DHTKD1: variants seen among roughly 807,000 people sequenced by gnomAD.
The protein encoded by DHTKD1 is dehydrogenase E1 and transketolase domain containing 1.
DHTKD1 carries 78 observed loss-of-function variants against 101.8 expected under a neutral mutation model. The observed-to-expected ratio is 0.77, with a 90% CI of 0.64 to 0.93. DHTKD1 has a LOEUF of 0.93. DHTKD1 is among the 40% of genes least tolerant of loss of function. The pLI, the probability that DHTKD1 is intolerant of heterozygous loss-of-function variation, is 0.00. For missense variants in DHTKD1, 1,223 were observed against 1,161.7 expected (o/e 1.05, Z -0.77); for synonymous variants, 462 against 450.3 (o/e 1.03, Z -0.33).
At chr10:12,090,478 T>TCCTTC (rs926722179) in intron 5 of DHTKD1, among the ~76,000 whole-genome samples, 4 of 145,900 alleles carry the variant, frequency 2.7e-5, no homozygotes, top group African/African-American at 7.7e-5. Flanking sequence ...CTTCCTTCCT[T>TCCTTC]CTTCTTTCTC....
intron 13 of DHTKD1, among the ~76,000 whole-genome samples, 191 bp downstream of exon 13, chr10:12,113,255 T>C (rs1216189729): frequency 1.3e-5 from 2 of 152,228 alleles, no homozygotes; most frequent in Non-Finnish European, 2.9e-5. Flanking sequence ...TGGAGTGCAA[T>C]GGTGCAATCT....
rs780469695 is a variant in DHTKD1 at position 12,113,092 on chromosome 10, C to T, written c.2319+28C>T. ...AAGCAGAAGGTGGTGAATAAGCCTT[C>T]CTCCTTTTGTCATTTTTTGCACTCC... On this transcript the variant is annotated intron_variant, in intron 13 of 16. Coordinates refer to ENST00000263035, the MANE Select transcript of DHTKD1 (RefSeq NM_018706.7). 93 of 1,546,762 alleles carry T rather than the reference C, an allele frequency of 6.0e-5. No individual in the cohort carries two copies. In the Middle Eastern group the frequency reaches 6.9e-4, roughly 11 times the overall value.
At chr10:12,117,508 T>C (rs1833438575) in intron 13 of DHTKD1, among the ~76,000 whole-genome samples, 165 bp from the exon 14 acceptor site, 1 of 152,088 alleles carries the variant, frequency 6.6e-6, no homozygotes, top group South Asian at 2.1e-4. Context: ...CCCTGAAGTA[T>C]ACAGAACTGA....
intron 6 of DHTKD1, among the ~76,000 whole-genome samples, chr10:12,091,946 A>G (rs1051684976): frequency 6.7e-6 from 1 of 149,300 alleles, no homozygotes; most frequent in African/African-American, 2.5e-5. Context: ...CTGGGACCAC[A>G]TGCGTGCACC....
chr10:12,087,612 C>T lies in DHTKD1; in HGVS notation c.600C>T (p.Gly200=), dbSNP rs752556444. The T allele has an allele frequency of 9.3e-6, 15 of 1,613,794 alleles. No individual in the cohort carries two copies. The East Asian group carries it at 2.2e-4, about 24-fold the overall frequency. Residue 200 remains glycine, a synonymous_variant, in exon 4 of 17, where the codon GGC becomes GGT. Transcript: ENST00000263035. This position sits in a 1 kb window ranked among gnomAD's most constrained non-coding sequence, Gnocchi z 5.2. ...YGGEGAESMM[G]FFHELLKMSA... ...GCGAAGGGGCTGAAAGCATGATGGG[C>T]TTTTTCCACGAGCTGCTGAAAATGT... is the stretch of plus-strand genomic sequence containing the variant.
Position 12,103,491 on chromosome 10 carries a change from CTGTGTGTGTGTGTGTGTG to C in DHTKD1, c.1896+2330_1896+2347del, listed in dbSNP as rs55809304. ...CCCCAACTTCGTTGTACATCTCAAT[CTGTGTGTGTGTGTGTGTG>C]TGTGTGTGTGTGTGTGTGTATGTAT... On this transcript the variant is annotated intron_variant, in intron 10 of 16. Coordinates refer to ENST00000263035, the MANE Select transcript of DHTKD1 (RefSeq NM_018706.7). The surrounding 1 kb of genome is among the most constrained non-coding windows in gnomAD (Gnocchi z 4.8). Among the ~76,000 whole-genome samples, 1 of 144,888 alleles carries C rather than the reference CTGTGTGTGTGTGTGTGTG, an allele frequency of 6.9e-6. No homozygotes were observed. The highest frequency in any genetic ancestry group is 2.2e-4 in the South Asian group (1 of 4,482).
At chr10:12,096,777 C>T (rs970001295) in intron 7 of DHTKD1, among the ~76,000 whole-genome samples, 9 of 152,164 alleles carry the variant, frequency 5.9e-5, no homozygotes, top group Admixed American at 4.6e-4. Flanking sequence ...TTTATTGTAA[C>T]ACCCAGGTGT....
At chr10:12,085,978 G>T (rs1054892672) in intron 3 of DHTKD1, among the ~76,000 whole-genome samples, 1 of 151,900 alleles carries the variant, frequency 6.6e-6, no homozygotes, top group African/African-American at 2.4e-5. Flanking sequence ...TTGAGATGGA[G>T]TCTTGCCCTG....
chr10:12,120,255 G>A lies in DHTKD1; in HGVS notation c.2646G>A (p.Gln882=), dbSNP rs532839473. 6.2e-7 allele frequency: 1 copy of A among 1,613,536 alleles called. No homozygotes were observed. Among genetic ancestry groups the A allele is most frequent in the African/African-American group, 1.3e-5 (1 of 75,008 alleles). Residue 882 remains glutamine, a synonymous_variant, in exon 16 of 17, where the codon CAG becomes CAA. Transcript: ENST00000263035. ...WSFVSPRFEK[Q]LACKLRLVGR... ...TTGTTTCTCCAAGGTTTGAAAAGCA[G>A]CTGGCCTGCAAGGTAATCACACGTT...
At chr10:12,071,354 G>C (rs1451934704) in intron 1 of DHTKD1, among the ~76,000 whole-genome samples, 2 of 152,214 alleles carry the variant, frequency 1.3e-5, no homozygotes, top group South Asian at 2.1e-4. Flanking sequence ...AGAGGGTTCA[G>C]AATGGAAGTT....
At chr10:12,072,809 T>C (rs1393314916) in intron 1 of DHTKD1, among the ~76,000 whole-genome samples, 1 of 151,768 alleles carries the variant, frequency 6.6e-6, no homozygotes, top group Non-Finnish European at 1.5e-5. Flanking sequence ...CGATCTCAGC[T>C]CACCACAACC....
At chr10:12,093,302 C>T (rs1659641386) in intron 6 of DHTKD1, among the ~76,000 whole-genome samples, 1 of 152,148 alleles carries the variant, frequency 6.6e-6, no homozygotes, top group South Asian at 2.1e-4. Flanking sequence ...CCTCAGCCTC[C>T]CAGAGTGCTG....
intron 13 of DHTKD1, among the ~76,000 whole-genome samples, chr10:12,114,891 G>GT (rs1275405183): frequency 6.6e-6 from 1 of 151,998 alleles, no homozygotes; most frequent in Non-Finnish European, 1.5e-5. Flanking sequence ...CGCCTCCCGG[G>GT]TTCAGGCCAT....
At chr10:12,118,675 C>T in intron 14 of DHTKD1, 74 bp from the exon 15 acceptor site, 6 of 1,311,540 alleles carry the variant, frequency 4.6e-6, no homozygotes, top group East Asian at 2.7e-5. Flanking sequence ...AGCTACTGCA[C>T]CTGGCCTCTT....
At position 12,090,389 on chromosome 10, in the gene DHTKD1, T is replaced by TTTCCTTCCTTCCTTCCTTCCTTCC. The variant is rs1244186979; in HGVS notation, c.988-1106_988-1105insCCTTCCTTCCTTCCTTCCTTCCTT. 3.5e-4 allele frequency among the ~76,000 whole-genome samples: 37 copies of TTTCCTTCCTTCCTTCCTTCCTTCC among 105,808 alleles called. 1 individual carries two copies. Among genetic ancestry groups the TTTCCTTCCTTCCTTCCTTCCTTCC allele is most frequent in the African/African-American group, 1.2e-3 (34 of 28,532 alleles). 69.4% of individuals were successfully genotyped at this position (105,808 alleles called of 152,430 possible). A position where few individuals can be genotyped will look rare whatever the true frequency, so the allele number is the denominator to read the frequency against. The stretch of plus-strand genomic sequence containing the variant: ...CCTCCCTTCCTTCCTTCCTTCCTTT[T>TTTCCTTCCTTCCTTCCTTCCTTCC]TTCCTTCCTTCCTTCCTTTTTTCCT... On this transcript the variant is annotated intron_variant, in intron 5 of 16. Coordinates refer to ENST00000263035, the MANE Select transcript of DHTKD1 (RefSeq NM_018706.7).
chr10:12,083,998 C>T (rs1470838148), intron 2 of DHTKD1, among the ~76,000 whole-genome samples: 2 of 151,630 alleles, frequency 1.3e-5, no homozygotes, highest in Non-Finnish European at 2.9e-5. Context: ...TCTCGGCTCA[C>T]TGCAACCTCT....
At chr10:12,081,446 C>T (rs758018684) in intron 1 of DHTKD1, 26 bp from the exon 2 acceptor site, 1 of 1,609,312 alleles carries the variant, frequency 6.2e-7, no homozygotes, top group Non-Finnish European at 8.5e-7. Flanking sequence ...AAACTGTTTG[C>T]ATTTTTAAAT....
chr10:12,081,523 A>G lies in DHTKD1; in HGVS notation c.206A>G (p.Lys69Arg). The change falls in exon 2 of 17, where the codon AAA becomes AGA. Residue 69 changes from lysine to arginine, a missense_variant. Transcript: ENST00000263035. ...ACAGTATATTGTGAGCATGGTCATA[A>G]AGCTGCCAAAATCAACCCCCTCTTC... Reference protein sequence around the residue: ...LVTVYCEHGHKAAKINPLFTG... With the variant: ...LVTVYCEHGHRAAKINPLFTG... The G allele has an allele frequency of 6.2e-7, 1 of 1,614,106 alleles. No individual in the cohort carries two copies. Among genetic ancestry groups the G allele is most frequent in the Non-Finnish European group, 8.5e-7 (1 of 1,180,014 alleles).
chr10:12,094,311 T>C, intron 7 of DHTKD1, 40 bp downstream of exon 7: 1 of 1,537,778 alleles, frequency 6.5e-7, no homozygotes, highest in Non-Finnish European at 9.0e-7. Flanking sequence ...CCCCTAAAAA[T>C]TAAAATTACT....
Sources: allele counts gnomAD v4.1 joint callset (sites outside exome capture counted in the v4.1 genomes callset), GRCh38; gene constraint gnomAD v4.1.1; non-coding constraint Gnocchi (gnomAD v3.1); transcripts MANE v1.5; gene names NCBI Gene and HGNC (gene_info 2026-07-23, HGNC 2026-07-21).